DPYSL3: variants seen among roughly 807,000 people sequenced by gnomAD.
The protein encoded by DPYSL3 is dihydropyrimidinase-related protein 3.
Under a neutral mutation model 66.1 loss-of-function variants are expected in DPYSL3, and 16 were observed. The observed-to-expected ratio is 0.24, with a 90% CI of 0.16 to 0.37. DPYSL3 has a LOEUF of 0.37. DPYSL3 is among the 10% of genes least tolerant of loss of function. The pLI is 1.00. For synonymous variants in DPYSL3, 338 were observed against 345.1 expected (o/e 0.98, Z 0.23); for missense variants, 738 against 916.2 (o/e 0.81, Z 2.51).
chr5:147,496,886 C>A lies in DPYSL3; in HGVS notation c.381+12592G>T, dbSNP rs539316675. The stretch of plus-strand genomic sequence containing the variant: ...AACTAGAAATACCATTTGACCCAGC[C>A]ATCCCATTACTGGGTATATACCCAA... On this transcript the variant is annotated intron_variant, in intron 1 of 13. Coordinates refer to ENST00000343218, the MANE Select transcript of DPYSL3 (RefSeq NM_001197294.2). Among the ~76,000 whole-genome samples, 453 of 152,070 alleles carry A rather than the reference C, an allele frequency of 3.0e-3. 3 individuals are homozygous for A. Among genetic ancestry groups the A allele is most frequent in the Admixed American group, 6.7e-3 (102 of 15,274 alleles).
chr5:147,409,277 A>C (rs1173123299), intron 6 of DPYSL3, among the ~76,000 whole-genome samples: 1 of 152,184 alleles, frequency 6.6e-6, no homozygotes, highest in African/African-American at 2.4e-5. Flanking sequence ...TGTTTCCCGA[A>C]GTGTGGGCCA....
Position 147,475,890 on chromosome 5 carries a change from A to G in DPYSL3, c.381+33588T>C, listed in dbSNP as rs115823694. ...ATCACAAAGTAGCATCAATTAACAT[A>G]TCCTCAAAAATGAATGTATTATTAT... On this transcript the variant is annotated intron_variant, in intron 1 of 13. Coordinates refer to ENST00000343218, the MANE Select transcript of DPYSL3 (RefSeq NM_001197294.2). 4.0e-3 allele frequency among the ~76,000 whole-genome samples: 610 copies of G among 152,278 alleles called. 5 individuals carry two copies. The highest frequency in any genetic ancestry group is 0.014 in the African/African-American group (568 of 41,578).
intron 1 of DPYSL3, among the ~76,000 whole-genome samples, chr5:147,467,855 G>A (rs1219912497): frequency 6.6e-6 from 1 of 152,182 alleles, no homozygotes; most frequent in Non-Finnish European, 1.5e-5. Context: ...TAAGGCATCA[G>A]CAGATTCTGT....
intron 2 of DPYSL3, 53 bp from the exon 3 acceptor site, chr5:147,418,684 G>T: frequency 6.7e-7 from 1 of 1,482,506 alleles, no homozygotes; most frequent in African/African-American, 1.4e-5. Context: ...ATTTAAAAGT[G>T]CAATTTCCAA....
At chr5:147,490,082 T>C (rs994461164) in intron 1 of DPYSL3, among the ~76,000 whole-genome samples, 11 of 152,146 alleles carry the variant, frequency 7.2e-5, no homozygotes, top group African/African-American at 2.7e-4. Flanking sequence ...TACTGAATAA[T>C]GTGGCCCAAG....
intron 1 of DPYSL3, among the ~76,000 whole-genome samples, chr5:147,482,023 A>G (rs1753254350): frequency 6.6e-6 from 1 of 152,152 alleles, no homozygotes; most frequent in African/African-American, 2.4e-5. Flanking sequence ...AGGAAGCAAA[A>G]CTACTCTTTG....
At chr5:147,463,113 G>A (rs1165583518) in intron 1 of DPYSL3, among the ~76,000 whole-genome samples, 2 of 152,112 alleles carry the variant, frequency 1.3e-5, no homozygotes, top group Non-Finnish European at 2.9e-5. Flanking sequence ...CTGAGCAGGT[G>A]GTCTAGTCTC....
At chr5:147,487,228 C>G (rs894407719) in intron 1 of DPYSL3, among the ~76,000 whole-genome samples, 1 of 152,186 alleles carries the variant, frequency 6.6e-6, no homozygotes, top group African/African-American at 2.4e-5. Context: ...CAACCTCCCC[C>G]TTTCTCCTGT....
chr5:147,399,332 A>G, intron 10 of DPYSL3, 80 bp from the exon 11 acceptor site: 1 of 1,474,130 alleles, frequency 6.8e-7, no homozygotes, highest in Non-Finnish European at 9.0e-7. Context: ...AGAGAAAGAC[A>G]ACCCACAAAG....
intron 1 of DPYSL3, among the ~76,000 whole-genome samples, chr5:147,446,365 T>G (rs188761542): frequency 6.6e-6 from 1 of 152,244 alleles, no homozygotes; most frequent in African/African-American, 2.4e-5. Flanking sequence ...ATGGTTCTTT[T>G]GCTCTTCTAG....
At chr5:147,450,450 G>C (rs1002975423) in intron 1 of DPYSL3, among the ~76,000 whole-genome samples, 13 of 152,110 alleles carry the variant, frequency 8.5e-5, no homozygotes, top group African/African-American at 2.9e-4. Flanking sequence ...CCCCAAAACT[G>C]CCAGTCTCTG....
intron 1 of DPYSL3, among the ~76,000 whole-genome samples, chr5:147,464,308 C>A (rs1752981126): frequency 6.6e-6 from 1 of 152,150 alleles, no homozygotes; most frequent in Non-Finnish European, 1.5e-5. Flanking sequence ...TCCCTTTTAC[C>A]TTCACTCCCA....
At chr5:147,499,749 T>C (rs537744795) in intron 1 of DPYSL3, among the ~76,000 whole-genome samples, 1 of 152,160 alleles carries the variant, frequency 6.6e-6, no homozygotes, top group Non-Finnish European at 1.5e-5. Context: ...GAATAGCCAA[T>C]GTTGAAGGAA....
At chr5:147,411,266 G>A (rs1323637653) in intron 6 of DPYSL3, among the ~76,000 whole-genome samples, 1 of 152,126 alleles carries the variant, frequency 6.6e-6, no homozygotes, top group Non-Finnish European at 1.5e-5. Flanking sequence ...AGCCTCCTTG[G>A]TCATGGTGAG....
At chr5:147,452,827 C>G (rs570057004) in intron 1 of DPYSL3, among the ~76,000 whole-genome samples, 1 of 150,238 alleles carries the variant, frequency 6.7e-6, no homozygotes, top group Non-Finnish European at 1.5e-5. Context: ...AAAAACTCGG[C>G]CTTTTCTTTG....
rs75434019 is a variant in DPYSL3, at chr5:147,424,359, T to C, written c.470+516A>G. ...ATGTAGGAAACCTACACATAAAACTTACCTGGCTGTGCCACTTACAGGCAT... is the reference window on the plus strand; with the variant it reads ...ATGTAGGAAACCTACACATAAAACTCACCTGGCTGTGCCACTTACAGGCAT... On this transcript the variant is annotated intron_variant, in intron 2 of 13. Coordinates refer to ENST00000343218, the MANE Select transcript of DPYSL3 (RefSeq NM_001197294.2). Among the ~76,000 whole-genome samples, 1,488 of 152,294 alleles carry C rather than the reference T, an allele frequency of 9.8e-3. 28 individuals are homozygous for C. Among genetic ancestry groups the C allele is most frequent in the African/African-American group, 0.035 (1,443 of 41,556 alleles).
chr5:147,418,704 A>G (rs1374395211), intron 2 of DPYSL3, 73 bp from the exon 3 acceptor site: 5 of 1,360,898 alleles, frequency 3.7e-6, no homozygotes, highest in Non-Finnish European at 4.0e-6. Context: ...AGACAAATAT[A>G]GTGGTATAAG....
intron 1 of DPYSL3, among the ~76,000 whole-genome samples, chr5:147,500,174 C>A (rs977280343): frequency 6.6e-6 from 1 of 152,104 alleles, no homozygotes; most frequent in Non-Finnish European, 1.5e-5. Context: ...AATTGGTGAG[C>A]TGGACTATAT....
chr5:147,400,351 C>A (rs1758134234), intron 10 of DPYSL3, among the ~76,000 whole-genome samples: 1 of 152,190 alleles, frequency 6.6e-6, no homozygotes, highest in Non-Finnish European at 1.5e-5. Flanking sequence ...ATATCCAGTT[C>A]TTTCAAAAGA....
Sources: allele counts gnomAD v4.1 joint callset (sites outside exome capture counted in the v4.1 genomes callset), GRCh38; gene constraint gnomAD v4.1.1; transcripts MANE v1.5; gene names NCBI Gene and HGNC (gene_info 2026-07-23, HGNC 2026-07-21).